AGTPBP1: variants seen among roughly 807,000 people sequenced by gnomAD.
AGTPBP1 encodes ATP/GTP binding carboxypeptidase 1, also known as cytosolic carboxypeptidase 1.
AGTPBP1 carries 70 observed loss-of-function variants against 143.9 expected under a neutral mutation model. That is an observed-to-expected ratio of 0.49 (90% CI 0.40 to 0.59). The LOEUF (loss-of-function observed/expected upper bound fraction) is 0.59, where lower values mean the gene tolerates loss of function less well. AGTPBP1 is among the 20% of genes least tolerant of loss of function. AGTPBP1 has a pLI of 0.00. For synonymous variants in AGTPBP1, 463 were observed against 500.2 expected, an observed-to-expected ratio of 0.93 and a Z score of 0.99; for missense variants, 1,229 against 1,464.5, an observed-to-expected ratio of 0.84 and a Z score of 2.62.
In AGTPBP1 at chr9:85,653,320, C is replaced by A. The variant is rs144221075; in HGVS notation, c.1087+1823G>T. 9.2e-5 allele frequency among the ~76,000 whole-genome samples: 14 copies of A among 152,182 alleles called. No homozygotes were observed. The East Asian group carries it at 2.7e-3, about 29-fold the overall frequency. On this transcript the variant is annotated intron_variant, in intron 11 of 25. Transcript: ENST00000357081. ...ACTTGCTATTAGAACCCTCCTCTCCCATCTGAATCAGGAAGGCTTGTCAGT... is the reference window on the plus strand; with the variant it reads ...ACTTGCTATTAGAACCCTCCTCTCCAATCTGAATCAGGAAGGCTTGTCAGT...
the AGTPBP1 span, among the ~76,000 whole-genome samples, chr9:85,753,753 AATAAATAG>A: frequency 0.014 from 1,726 of 123,490 alleles, 31 homozygotes; most frequent in African/African-American, 0.05. Context: ...ACTCCCTCTC[AATAAATAG>A]ATAGATAGAT....
At chr9:85,562,484 A>G (rs554871341) in intron 25 of AGTPBP1, among the ~76,000 whole-genome samples, 169 of 152,352 alleles carry the variant, frequency 1.1e-3, no homozygotes, top group African/African-American at 3.9e-3. Flanking sequence ...CAAATTTGTA[A>G]TATTAACTCA....
chr9:85,661,020 T>C, intron 8 of AGTPBP1, 47 bp from the exon 9 acceptor site: 1 of 1,476,190 alleles, frequency 6.8e-7, no homozygotes. Context: ...ACTAGTAAAA[T>C]TAATCTACAA....
intron 3 of AGTPBP1, among the ~76,000 whole-genome samples, chr9:85,691,691 T>A (rs1835888961): frequency 6.6e-6 from 1 of 152,142 alleles, no homozygotes. Context: ...TATCTTGCGT[T>A]CCTGAAATGT....
intron 2 of AGTPBP1, among the ~76,000 whole-genome samples, chr9:85,711,788 G>A (rs1414934609): frequency 6.6e-6 from 1 of 151,912 alleles, no homozygotes; most frequent in African/African-American, 2.4e-5. Context: ...AGGCATTGTG[G>A]GCCATGCAGT....
At chr9:85,801,912 G>T in the AGTPBP1 span, among the ~76,000 whole-genome samples, 1 of 152,042 alleles carries the variant, frequency 6.6e-6, no homozygotes, top group Non-Finnish European at 1.5e-5. Flanking sequence ...TCACTCTTGC[G>T]GTAATTCTTT....
At chr9:85,571,106 T>C (rs1827432322) in intron 25 of AGTPBP1, among the ~76,000 whole-genome samples, 1 of 152,242 alleles carries the variant, frequency 6.6e-6, no homozygotes, top group Non-Finnish European at 1.5e-5. Flanking sequence ...TGTGTGTACA[T>C]ATATATAAAT....
At position 85,677,500 on chromosome 9, in the gene AGTPBP1, T is replaced by A. The variant is rs1388289837; in HGVS notation, c.372A>T (p.Glu124Asp). Residue 124 changes from glutamate to aspartate, a missense_variant, in exon 6 of 26, where the codon GAA becomes GAT. Glu to Asp is a conservative substitution (Grantham distance 45). Transcript: ENST00000357081. ...LLQLLMNASK[E>D]SPPHEDLMVQ... is the part of the protein sequence containing the mutation. ...CCATTAAGTCCTCATGTGGGGGAGA[T>A]TCTTTGCTGGCATTCATAAGTAACT... The A allele has an allele frequency of 6.2e-7, 1 of 1,604,510 alleles. No homozygotes were observed. Among genetic ancestry groups the A allele is most frequent in the Non-Finnish European group, 8.5e-7 (1 of 1,175,492 alleles).
At chr9:85,747,338 A>G in the AGTPBP1 span, among the ~76,000 whole-genome samples, 6 of 152,158 alleles carry the variant, frequency 3.9e-5, no homozygotes, top group African/African-American at 1.4e-4. Flanking sequence ...CTTTTTCAAG[A>G]TGATTTTGGC....
At chr9:85,791,292 T>C in the AGTPBP1 span, among the ~76,000 whole-genome samples, 19 of 151,926 alleles carry the variant, frequency 1.3e-4, no homozygotes, top group African/African-American at 4.6e-4. Context: ...GAGAACTGCT[T>C]GTACTCATGA....
chr9:85,698,890 T>C (rs1460141362), intron 2 of AGTPBP1, among the ~76,000 whole-genome samples: 1 of 151,694 alleles, frequency 6.6e-6, no homozygotes, highest in Non-Finnish European at 1.5e-5. Flanking sequence ...AGATGGAGTT[T>C]CACTGTGTTA....
intron 19 of AGTPBP1, among the ~76,000 whole-genome samples, chr9:85,591,720 A>G (rs2133226787): frequency 6.6e-6 from 1 of 152,220 alleles, no homozygotes; most frequent in African/African-American, 2.4e-5. Flanking sequence ...TGTCAGCCTC[A>G]TTTAGTCTTC....
chr9:85,755,989 T>G, the AGTPBP1 span: 1 of 1,015,476 alleles, frequency 9.8e-7, no homozygotes, highest in Non-Finnish European at 1.4e-6. Flanking sequence ...TTAAGAGATT[T>G]CAGCCAATCT....
intron 8 of AGTPBP1, among the ~76,000 whole-genome samples, chr9:85,665,077 T>C (rs949854427): frequency 2.0e-4 from 30 of 152,320 alleles, no homozygotes; most frequent in Non-Finnish European, 3.8e-4. Flanking sequence ...ATGGGTTGAA[T>C]TGTGTTCAAA....
At chr9:85,781,713 T>C in the AGTPBP1 span, among the ~76,000 whole-genome samples, 5 of 152,174 alleles carry the variant, frequency 3.3e-5, no homozygotes, top group Non-Finnish European at 5.9e-5. Context: ...AAAAGATGTA[T>C]GGTAGGTAAG....
At chr9:85,642,760 G>T (rs1383776267) in intron 13 of AGTPBP1, 67 bp downstream of exon 13, 1 of 1,208,718 alleles carries the variant, frequency 8.3e-7, no homozygotes, top group Non-Finnish European at 1.2e-6. Flanking sequence ...AGTGATTATC[G>T]ACCTAAGGGA....
intron 17 of AGTPBP1, among the ~76,000 whole-genome samples, chr9:85,614,964 G>A (rs573365042): frequency 1.1e-4 from 16 of 152,188 alleles, no homozygotes; most frequent in African/African-American, 3.6e-4. Context: ...AATGTTTAAC[G>A]GCTTCTGAAC....
the AGTPBP1 span, chr9:85,792,315 T>G: frequency 6.6e-6 from 1 of 152,252 alleles, no homozygotes; most frequent in Admixed American, 6.5e-5. Flanking sequence ...TCATAATTTA[T>G]AACTATTAAA....
intron 1 of AGTPBP1, among the ~76,000 whole-genome samples, chr9:85,716,170 T>C (rs1837693275): frequency 6.6e-6 from 1 of 152,204 alleles, no homozygotes; most frequent in Non-Finnish European, 1.5e-5. Context: ...TGTTACTAAA[T>C]CCAATTGTCA....
Sources: allele counts gnomAD v4.1 joint callset (sites outside exome capture counted in the v4.1 genomes callset), GRCh38; gene constraint gnomAD v4.1.1; transcripts MANE v1.5; gene names NCBI Gene and HGNC (gene_info 2026-07-23, HGNC 2026-07-21).